Variants in CACNB2 observed in about 807,000 individuals in gnomAD.
CACNB2 encodes calcium voltage-gated channel auxiliary subunit beta 2.
CACNB2 carries 42 observed loss-of-function variants against 73.3 expected under a neutral mutation model. That is an observed-to-expected ratio of 0.57 (90% CI 0.45 to 0.74). CACNB2 has a LOEUF of 0.74. Ranked by LOEUF, CACNB2 falls within the 30% of genes least tolerant of loss-of-function variation. CACNB2 has a pLI of 0.00. For missense variants in CACNB2, 940 were observed against 853.0 expected (o/e 1.10, Z -1.27); for synonymous variants, 348 against 310.3 (o/e 1.12, Z -1.28).
intron 3 of CACNB2, among the ~76,000 whole-genome samples, chr10:18,426,107 T>C (rs1355796853): frequency 1.3e-5 from 2 of 152,158 alleles, no homozygotes; most frequent in African/African-American, 2.4e-5. Context: ...TTAGATACCA[T>C]ATATGAAGTC....
chr10:18,348,329 G>T (rs1392657196), intron 2 of CACNB2, among the ~76,000 whole-genome samples: 2 of 152,154 alleles, frequency 1.3e-5, no homozygotes, highest in Admixed American at 1.3e-4. Context: ...AACAATTAGA[G>T]AATAATTTTG....
At chr10:18,440,271 T>C (rs1043882328) in intron 3 of CACNB2, among the ~76,000 whole-genome samples, 2 of 152,166 alleles carry the variant, frequency 1.3e-5, no homozygotes, top group Non-Finnish European at 2.9e-5. Context: ...CTGATAACTA[T>C]AGCCTTGGAG....
intron 3 of CACNB2, among the ~76,000 whole-genome samples, chr10:18,487,624 C>A (rs1165320571): frequency 6.6e-6 from 1 of 151,992 alleles, no homozygotes; most frequent in African/African-American, 2.4e-5. Context: ...CATCTGAGGT[C>A]AGGAGTTAGA....
intron 2 of CACNB2, among the ~76,000 whole-genome samples, chr10:18,382,621 T>G (rs2132381423): frequency 1.3e-5 from 2 of 152,274 alleles, no homozygotes; most frequent in East Asian, 3.9e-4. Flanking sequence ...CTCCCAATTA[T>G]AAGTGAGAAC....
intron 2 of CACNB2, among the ~76,000 whole-genome samples, chr10:18,288,977 A>G (rs2131747939): frequency 6.6e-6 from 1 of 152,272 alleles, no homozygotes; most frequent in Non-Finnish European, 1.5e-5. Context: ...CCCAGGAGGC[A>G]GAGATTACAG....
intron 3 of CACNB2, among the ~76,000 whole-genome samples, chr10:18,402,900 G>A (rs2044082593): frequency 6.6e-6 from 1 of 152,176 alleles, no homozygotes. Flanking sequence ...GAAATACCAG[G>A]ATAGCATTTC....
intron 6 of CACNB2, among the ~76,000 whole-genome samples, chr10:18,509,445 A>C (rs1232081436): frequency 1.3e-5 from 2 of 152,312 alleles, no homozygotes; most frequent in South Asian, 2.1e-4. Flanking sequence ...ACGTGTGTAC[A>C]TATGTGTCAA....
chr10:18,327,216 A>G (rs2040620264), intron 2 of CACNB2, among the ~76,000 whole-genome samples: 1 of 152,180 alleles, frequency 6.6e-6, no homozygotes, highest in Admixed American at 6.5e-5. Flanking sequence ...AGGGTCCAAG[A>G]AAAGTGACCA....
chr10:18,267,993 G>A (rs1318230245), intron 2 of CACNB2, among the ~76,000 whole-genome samples: 2 of 152,232 alleles, frequency 1.3e-5, no homozygotes, highest in African/African-American at 2.4e-5. Flanking sequence ...ATTATTAAAT[G>A]TGTTAAACTA....
intron 3 of CACNB2, among the ~76,000 whole-genome samples, chr10:18,480,638 G>C (rs543958299): frequency 5.9e-5 from 9 of 152,200 alleles, no homozygotes; most frequent in Non-Finnish European, 1.2e-4. Flanking sequence ...AGTCTACCAA[G>C]TGTAGCTAGT....
At chr10:18,443,975 G>A (rs1353334887) in intron 3 of CACNB2, among the ~76,000 whole-genome samples, 3 of 151,988 alleles carry the variant, frequency 2.0e-5, no homozygotes, top group Admixed American at 6.6e-5. Context: ...TTGGCCTCCC[G>A]AAGTGCTGGA....
At chr10:18,474,894 C>T (rs1480882101) in intron 3 of CACNB2, among the ~76,000 whole-genome samples, 1 of 151,694 alleles carries the variant, frequency 6.6e-6, no homozygotes. Flanking sequence ...GGCTGAGTCC[C>T]AAAAGACTGT....
chr10:18,522,379 A>G (rs1243393429), intron 9 of CACNB2, among the ~76,000 whole-genome samples: 1 of 152,190 alleles, frequency 6.6e-6, no homozygotes, highest in Admixed American at 6.5e-5. Context: ...GTTGTCTTTA[A>G]TGAAACTGGT....
At chr10:18,159,162 A>T (rs1445136139) in intron 2 of CACNB2, among the ~76,000 whole-genome samples, 1 of 151,974 alleles carries the variant, frequency 6.6e-6, no homozygotes, top group Non-Finnish European at 1.5e-5. Flanking sequence ...TGCTAAGAGG[A>T]TGACTGCCAG....
chr10:18,222,277 A>C (rs2035823364), intron 2 of CACNB2, among the ~76,000 whole-genome samples: 1 of 152,174 alleles, frequency 6.6e-6, no homozygotes, highest in Admixed American at 6.5e-5. Flanking sequence ...TTATGACCCC[A>C]TTGCTAAGGG....
intron 11 of CACNB2, among the ~76,000 whole-genome samples, chr10:18,535,728 G>A (rs192988034): frequency 0.014 from 2,000 of 144,714 alleles, 19 homozygotes; most frequent in African/African-American, 0.023. Context: ...AGCCGAGATC[G>A]CACCACTGCA....
rs1017607139 is a variant in CACNB2 at position 18,475,986 on chromosome 10, T to TA, written c.334-22362dup. Reference sequence around the variant, plus strand: ...GGTGAAAGCAATTTGTTAGAGAAGTTAAAAAAAGAAAAAAGAATGGCTACT... The same window carrying TA: ...GGTGAAAGCAATTTGTTAGAGAAGTTAAAAAAAAGAAAAAAGAATGGCTACT... On this transcript the variant is annotated intron_variant, in intron 3 of 13. Transcript: ENST00000324631. Among the ~76,000 whole-genome samples, 10 of 151,986 alleles carry TA rather than the reference T, an allele frequency of 6.6e-5. 1 individual carries two copies. The South Asian group carries it at 1.5e-3, about 22-fold the overall frequency.
At chr10:18,155,585 T>C (rs982440490) in intron 2 of CACNB2, among the ~76,000 whole-genome samples, 3 of 152,184 alleles carry the variant, frequency 2.0e-5, no homozygotes, top group African/African-American at 4.8e-5. Flanking sequence ...AGTGGAATGC[T>C]AGGTAATATG....
chr10:18,512,502 TCA>T (rs543237162), intron 6 of CACNB2, among the ~76,000 whole-genome samples: 196 of 152,372 alleles, frequency 1.3e-3, no homozygotes, highest in African/African-American at 4.6e-3. Context: ...GGGAAACTTT[TCA>T]CACTGTCCTT....
Sources: allele counts gnomAD v4.1 joint callset (sites outside exome capture counted in the v4.1 genomes callset), GRCh38; gene constraint gnomAD v4.1.1; transcripts MANE v1.5; gene names NCBI Gene and HGNC (gene_info 2026-07-23, HGNC 2026-07-21).